Variants in MEI1 observed in about 807,000 individuals in gnomAD.
MEI1 encodes the protein meiotic double-stranded break formation protein 1, also known as meiosis inhibitor protein 1.
MEI1 carries 103 observed loss-of-function variants against 146.2 expected under a neutral mutation model. The ratio of observed to expected loss-of-function variants is 0.70; its 90% CI spans 0.60 to 0.83. MEI1 has a LOEUF of 0.83. MEI1 is among the 40% of genes least tolerant of loss of function. The probability of loss-of-function intolerance (pLI) is 0.00; values close to 1 mark genes in which losing one functional copy is unlikely to be tolerated. For synonymous variants in MEI1, 652 were observed against 628.2 expected, an observed-to-expected ratio of 1.04 and a Z score of -0.57; for missense variants, 1,529 against 1,533.0, an observed-to-expected ratio of 1.00 and a Z score of 0.04.
chr22:41,749,143 T>G (rs1039528823), intron 15 of MEI1, among the ~76,000 whole-genome samples: 6 of 152,106 alleles, frequency 3.9e-5, no homozygotes, highest in Admixed American at 3.9e-4. Context: ...CTCTTATCAT[T>G]ATAATTTAAT....
intron 6 of MEI1, among the ~76,000 whole-genome samples, chr22:41,718,838 A>G (rs2070455093): frequency 6.6e-6 from 1 of 152,080 alleles, no homozygotes; most frequent in Non-Finnish European, 1.5e-5. Flanking sequence ...AGGGCAAGAG[A>G]AAAAGCTAGA....
intron 19 of MEI1, among the ~76,000 whole-genome samples, chr22:41,764,708 A>G (rs2074728556): frequency 6.6e-6 from 1 of 152,158 alleles, no homozygotes; most frequent in Non-Finnish European, 1.5e-5. Flanking sequence ...ACACACAACC[A>G]CCACGAAAGT....
intron 3 of MEI1, among the ~76,000 whole-genome samples, chr22:41,708,181 A>G (rs531706660): frequency 1.1e-4 from 17 of 152,344 alleles, no homozygotes; most frequent in Admixed American, 5.9e-4. Context: ...CTCCACCAAA[A>G]CTTGTACAAA....
In MEI1 at chr22:41,754,880, GA is replaced by G. The variant is rs2073992817; in HGVS notation, c.1951+838del. ...GTCAGAGATCCATAGGCACTATGAA[GA>G]AAATAAAACTGGGCAAAAGGATAGA... On this transcript the variant is annotated intron_variant, in intron 17 of 30. Transcript: ENST00000401548. Among the ~76,000 whole-genome samples the G allele has an allele frequency of 1.3e-5, 2 of 152,172 alleles. 1 individual carries two copies. Among genetic ancestry groups the G allele is most frequent in the Non-Finnish European group, 2.9e-5 (2 of 68,034 alleles).
chr22:41,779,566 C>T (rs1300549824), intron 22 of MEI1, among the ~76,000 whole-genome samples: 1 of 152,140 alleles, frequency 6.6e-6, no homozygotes, highest in African/African-American at 2.4e-5. Flanking sequence ...TTAGGTTCCT[C>T]ATAGGTAAAG....
At chr22:41,774,471 CT>C (rs1406452684) in intron 20 of MEI1, 2 of 152,218 alleles carry the variant, frequency 1.3e-5, no homozygotes, top group African/African-American at 4.8e-5. Flanking sequence ...TCCCGTCGGG[CT>C]TCAGCCTCAT....
intron 18 of MEI1, among the ~76,000 whole-genome samples, chr22:41,760,847 A>T (rs2074438129): frequency 6.6e-6 from 1 of 152,198 alleles, no homozygotes; most frequent in Non-Finnish European, 1.5e-5. Flanking sequence ...ATATATGTGT[A>T]ACATCGGGTT....
chr22:41,781,869 T>A (rs1442760893), intron 24 of MEI1, 24 bp downstream of exon 24: 19 of 1,612,362 alleles, frequency 1.2e-5, no homozygotes, highest in Non-Finnish European at 1.4e-5. Flanking sequence ...TCCTGTGGCT[T>A]TGAGGCATGG....
At chr22:41,710,192 G>T (rs747336015) in intron 3 of MEI1, among the ~76,000 whole-genome samples, 13 of 152,026 alleles carry the variant, frequency 8.6e-5, no homozygotes, top group Non-Finnish European at 1.5e-4. Context: ...GACCATGTGA[G>T]GGCAAGTGAG....
At chr22:41,722,830 C>A (rs1168059076) in intron 6 of MEI1, among the ~76,000 whole-genome samples, 1 of 152,124 alleles carries the variant, frequency 6.6e-6, no homozygotes, top group Admixed American at 6.6e-5. Context: ...TTCTGACATG[C>A]ATTTCTTTAC....
intron 26 of MEI1, among the ~76,000 whole-genome samples, chr22:41,787,187 G>A (rs1311255823): frequency 6.6e-6 from 1 of 152,200 alleles, no homozygotes; most frequent in South Asian, 2.1e-4. Context: ...TGGGTTTAAA[G>A]CTAATTTAGA....
At chr22:41,739,512 T>C (rs2072678476) in intron 11 of MEI1, among the ~76,000 whole-genome samples, 1 of 146,596 alleles carries the variant, frequency 6.8e-6, no homozygotes, top group South Asian at 2.1e-4. Context: ...TCTGTAACTA[T>C]ATTTAAGTCT....
intron 15 of MEI1, among the ~76,000 whole-genome samples, chr22:41,751,649 G>GT: frequency 6.6e-6 from 1 of 151,958 alleles, no homozygotes; most frequent in Non-Finnish European, 1.5e-5. Flanking sequence ...GCGCGTGGCT[G>GT]TAATCCCAGC....
intron 26 of MEI1, among the ~76,000 whole-genome samples, chr22:41,786,105 T>C (rs1173608551): frequency 6.7e-6 from 1 of 150,336 alleles, no homozygotes; most frequent in East Asian, 2.0e-4. Context: ...AGAGACGGGG[T>C]TTCACCGTGT....
Position 41,776,094 on chromosome 22 carries a change from C to T in MEI1, c.2545-8C>T, listed in dbSNP as rs1342559354. On this transcript the variant is annotated splice_polypyrimidine_tract_variant and splice_region_variant and intron_variant, in intron 20 of 30. Transcript: ENST00000401548. ...CTCTGATCTCTGGCTTTCTTCTCTC[C>T]TGCTCAGGACCTCATCTATTCCAGC... is the stretch of plus-strand genomic sequence containing the variant. The T allele has an allele frequency of 6.2e-7, 1 of 1,613,278 alleles. No individual in the cohort carries two copies.
chr22:41,751,321 C>T (rs182445303), intron 15 of MEI1, among the ~76,000 whole-genome samples: 11 of 152,290 alleles, frequency 7.2e-5, no homozygotes, highest in African/African-American at 2.6e-4. Context: ...ATTCCCAACC[C>T]AGGGGCTGGT....
intron 24 of MEI1, 123 bp from the exon 25 acceptor site, chr22:41,784,216 C>A: frequency 1.2e-6 from 1 of 830,808 alleles, no homozygotes; most frequent in South Asian, 1.6e-5. Context: ...GTGTGGCCTC[C>A]TCCGTCCCCT....
intron 26 of MEI1, 132 bp downstream of exon 26, chr22:41,784,915 A>G (rs1433564086): frequency 2.4e-6 from 1 of 423,654 alleles, no homozygotes; most frequent in Non-Finnish European, 3.6e-6. Flanking sequence ...AATTATTTCT[A>G]TTATTTTTAT....
chr22:41,734,951 T>TA lies in MEI1; in HGVS notation c.1331+2348_1331+2349insA, dbSNP rs1424683168. 4.6e-5 allele frequency among the ~76,000 whole-genome samples: 7 copies of TA among 150,980 alleles called. No homozygotes were observed. In the South Asian group the frequency reaches 1.0e-3, roughly 23 times the overall value. On this transcript the variant is annotated intron_variant, in intron 11 of 30. Transcript: ENST00000401548. ...TTGCACCTGGCCTACATTTTATATA[T>TA]TTTTTTATTGTATTTTTTTCTTTTT...
Sources: gnomAD v4.1 joint callset for allele counts (sites outside exome capture counted in the v4.1 genomes callset) on GRCh38, gnomAD v4.1.1 for gene constraint, MANE v1.5 for transcripts, NCBI Gene and HGNC (gene_info 2026-07-23, HGNC 2026-07-21) for gene names.